The following IAH1 variants were observed in gnomAD, a reference collection of about 807,000 sequenced individuals.
The protein encoded by IAH1 is isoamyl acetate-hydrolyzing esterase 1 homolog.
Under a neutral mutation model 26.7 loss-of-function variants are expected in IAH1, and 24 were observed. That is an observed-to-expected ratio of 0.90 (90% CI 0.65 to 1.26). The LOEUF (loss-of-function observed/expected upper bound fraction) is 1.26, where lower values mean the gene tolerates loss of function less well. IAH1 is among the 50% of genes most tolerant of loss of function. IAH1 has a pLI of 0.00. For synonymous variants in IAH1, 140 were observed against 118.5 expected (o/e 1.18, Z -1.18); for missense variants, 300 against 299.9 (o/e 1.00, Z 0.00).
Position 9,474,763 on chromosome 2 carries a change from T to G in IAH1, c.81+116T>G. The G allele has an allele frequency of 1.3e-6, 1 of 775,390 alleles. No homozygotes were observed. The highest frequency in any genetic ancestry group is 1.9e-5 in the African/African-American group (1 of 53,526). The allele number at this position is 775,390 out of a possible 1,614,324, so 48.0% of individuals were successfully genotyped here. A position where few individuals can be genotyped will look rare whatever the true frequency, so the allele number is the denominator to read the frequency against. On this transcript the variant is annotated intron_variant, in intron 1 of 5. Coordinates refer to ENST00000497473, the MANE Select transcript of IAH1 (RefSeq NM_001039613.3). The surrounding 1 kb of genome is among the most constrained non-coding windows in gnomAD (Gnocchi z 4.3). ...GCCCGAGACGGCTGGGCCGGAGGCCTGGCCACGCCCGTGGAGACACCGGAG... is the reference window on the plus strand; with the variant it reads ...GCCCGAGACGGCTGGGCCGGAGGCCGGGCCACGCCCGTGGAGACACCGGAG...
downstream of IAH1, chr2:9,492,869 A>G: frequency 6.4e-7 from 1 of 1,560,724 alleles, no homozygotes; most frequent in East Asian, 2.3e-5. Context: ...TAAATAAAAC[A>G]TTTAATTACT....
At chr2:9,475,322 CATT>C (rs1041519929) in intron 1 of IAH1, 6 of 697,984 alleles carry the variant, frequency 8.6e-6, no homozygotes, top group Non-Finnish European at 1.3e-5. Context: ...TAACTGGTAA[CATT>C]ATGTTTAGGC....
chr2:9,493,289 C>CA (rs1558492896), downstream of IAH1, among the ~76,000 whole-genome samples: 1 of 152,136 alleles, frequency 6.6e-6, no homozygotes, highest in East Asian at 1.9e-4. Context: ...CTTAAGAAGA[C>CA]AAAGTTTTTG....
intron 2 of IAH1, among the ~76,000 whole-genome samples, 153 bp downstream of exon 2, chr2:9,476,192 A>G (rs1454930656): frequency 6.6e-6 from 1 of 152,162 alleles, no homozygotes; most frequent in African/African-American, 2.4e-5. Context: ...AACAGAAAAC[A>G]TTTACTCTTC....
rs1448882424 is a variant in IAH1 at position 9,488,818 on chromosome 2, G to A, written c.*489G>A. ...ATGTCCTTGGAAATGGGGGGTAGGA[G>A]GAGATATGATTAGTCACAGGTTTGG... On this transcript the variant is annotated 3_prime_UTR_variant, in exon 6 of 6. Transcript: ENST00000497473. 3 of 152,244 alleles carry A rather than the reference G, an allele frequency of 2.0e-5. No individual in the cohort carries two copies. The highest frequency in any genetic ancestry group is 7.2e-5 in the African/African-American group (3 of 41,442). The allele number at this position is 152,244 out of a possible 1,614,324, so 9.4% of individuals were successfully genotyped here. A position where few individuals can be genotyped will look rare whatever the true frequency, so the allele number is the denominator to read the frequency against.
chr2:9,479,695 G>A (rs1277570635), intron 3 of IAH1, among the ~76,000 whole-genome samples: 1 of 151,372 alleles, frequency 6.6e-6, no homozygotes, highest in Non-Finnish European at 1.5e-5. Context: ...GGAAAGCTGT[G>A]TGGCAATATG....
In IAH1 at chr2:9,474,693, G is replaced by T. The variant is rs768298085; in HGVS notation, c.81+46G>T. ...GGCCTCCCGCCCCGGCCTCCCTGCG[G>T]GGTCGCTGCCGAGCAGGCCGAGGCT... On this transcript the variant is annotated intron_variant, in intron 1 of 5. Transcript: ENST00000497473. The surrounding 1 kb of genome is among the most constrained non-coding windows in gnomAD (Gnocchi z 4.3). The T allele has an allele frequency of 5.6e-6, 8 of 1,428,500 alleles. No individual in the cohort carries two copies. In the Admixed American group the frequency reaches 1.5e-4, roughly 27 times the overall value. 88.5% of individuals were successfully genotyped at this position (1,428,500 alleles called of 1,614,324 possible).
At chr2:9,479,411 A>G (rs931930517) in intron 3 of IAH1, among the ~76,000 whole-genome samples, 1 of 152,234 alleles carries the variant, frequency 6.6e-6, no homozygotes, top group Non-Finnish European at 1.5e-5. Flanking sequence ...GTGGCAGACA[A>G]GAGAGTAATG....
intron 3 of IAH1, among the ~76,000 whole-genome samples, chr2:9,480,210 A>G (rs374048788): frequency 3.5e-4 from 53 of 152,238 alleles, no homozygotes; most frequent in African/African-American, 1.2e-3. Flanking sequence ...CAAACTATTT[A>G]TGGACACAGA....
At chr2:9,474,045 C>G (rs572923390), upstream of IAH1, 1 of 152,352 alleles carries the variant, frequency 6.6e-6, no homozygotes, top group African/African-American at 2.4e-5. The surrounding 1 kb of genome is among the most constrained non-coding windows in gnomAD (Gnocchi z 4.3). Context: ...ACTGAAGGTG[C>G]AGCTGCTTTC....
At chr2:9,494,112 A>G (rs77541241), downstream of IAH1, among the ~76,000 whole-genome samples, 452 of 152,326 alleles carry the variant, frequency 3.0e-3, 2 homozygotes, top group African/African-American at 0.011. Context: ...TAAGGACTCT[A>G]CACATACACA....
chr2:9,509,138 C>T, the IAH1 span, among the ~76,000 whole-genome samples: 3 of 152,164 alleles, frequency 2.0e-5, no homozygotes, highest in Non-Finnish European at 4.4e-5. Context: ...CACAGCCAAG[C>T]TCAAAATAGG....
Position 9,488,480 on chromosome 2 carries a change from G to A in IAH1, c.*151G>A, listed in dbSNP as rs1661767905. 3.6e-6 allele frequency: 2 copies of A among 548,548 alleles called. No individual in the cohort carries two copies. The highest frequency in any genetic ancestry group is 6.1e-6 in the Non-Finnish European group (2 of 325,406). The allele number at this position is 548,548 out of a possible 1,614,324, so 34.0% of individuals were successfully genotyped here. ...ATTTTTCAGGGAAGTTTTATACTTAGGTCCATTGTGTTTCGACAGTATTTA... is the reference window on the plus strand; with the variant it reads ...ATTTTTCAGGGAAGTTTTATACTTAAGTCCATTGTGTTTCGACAGTATTTA... On this transcript the variant is annotated 3_prime_UTR_variant, in exon 6 of 6. Transcript: ENST00000497473.
At chr2:9,487,829 TGTGTGCGCGCGCGC>T (rs1327028521) in intron 5 of IAH1, among the ~76,000 whole-genome samples, 27 of 78,940 alleles carry the variant, frequency 3.4e-4, no homozygotes, top group African/African-American at 9.4e-4. Context: ...TGTGTGTGTG[TGTGTGCGCGCGCGC>T]GCGCGCGCTG....
At chr2:9,482,675 G>A (rs1283126431) in intron 4 of IAH1, among the ~76,000 whole-genome samples, 1 of 152,226 alleles carries the variant, frequency 6.6e-6, no homozygotes, top group Non-Finnish European at 1.5e-5. Context: ...TGAGTTTACT[G>A]TTGAGTGGGG....
At position 9,474,552 on chromosome 2, in the gene IAH1, C is replaced by CCGCCG. The variant is rs1682359293; in HGVS notation, c.-11_-10insGCGCC. 1 of 1,462,116 alleles carries CCGCCG rather than the reference C, an allele frequency of 6.8e-7. No individual in the cohort carries two copies. Among genetic ancestry groups the CCGCCG allele is most frequent in the African/African-American group, 1.5e-5 (1 of 67,910 alleles). The allele number at this position is 1,462,116 out of a possible 1,614,324, so 90.6% of individuals were successfully genotyped here. A position where few individuals can be genotyped will look rare whatever the true frequency, so the allele number is the denominator to read the frequency against. On this transcript the variant is annotated 5_prime_UTR_variant, in exon 1 of 6. Transcript: ENST00000497473. The surrounding 1 kb of genome is among the most constrained non-coding windows in gnomAD (Gnocchi z 4.3). ...TCGTGGCTGGCGGCCCCGCCCCGCC[C>CCGCCG]CGCCCGGCTGCTCCATGGCGCTGTG... is the stretch of plus-strand genomic sequence containing the variant.
rs34525911 is a variant in IAH1 at position 9,489,259 on chromosome 2, A to ATTTTTTTTTTTTTTTTTTTTTTTTT, written c.*954_*955insTTTTTTTTTTTTTTTTTTTTTTTTT. 8.0e-5 allele frequency: 7 copies of ATTTTTTTTTTTTTTTTTTTTTTTTT among 87,398 alleles called. No homozygotes were observed. The highest frequency in any genetic ancestry group is 3.2e-4 in the African/African-American group (5 of 15,528). 5.4% of individuals were successfully genotyped at this position (87,398 alleles called of 1,614,324 possible). A position where few individuals can be genotyped will look rare whatever the true frequency, so the allele number is the denominator to read the frequency against. ...AATATTCTAGGTTTGTAGATAGTGA[A>ATTTTTTTTTTTTTTTTTTTTTTTTT]TTTTTTTTTTTTTTTTTTTTTTTTG... is the stretch of plus-strand genomic sequence containing the variant. On this transcript the variant is annotated 3_prime_UTR_variant, in exon 6 of 6. Coordinates refer to ENST00000497473, the MANE Select transcript of IAH1 (RefSeq NM_001039613.3).
At chr2:9,484,646 A>G (rs1558481876) in intron 5 of IAH1, 96 bp downstream of exon 5, 3 of 778,832 alleles carry the variant, frequency 3.9e-6, no homozygotes, top group East Asian at 5.3e-5. Context: ...GGCCCTGCTT[A>G]GCTAAGACAG....
intron 1 of IAH1, among the ~76,000 whole-genome samples, chr2:9,475,391 A>AC (rs1405470744): frequency 6.6e-6 from 1 of 151,682 alleles, no homozygotes; most frequent in African/African-American, 2.4e-5. Flanking sequence ...AAAAGTGTTC[A>AC]CCCTCAGCTC....
Sources: gnomAD v4.1 joint callset for allele counts (sites outside exome capture counted in the v4.1 genomes callset) on GRCh38, gnomAD v4.1.1 for gene constraint, Gnocchi (gnomAD v3.1) non-coding constraint, MANE v1.5 for transcripts, NCBI Gene and HGNC (gene_info 2026-07-23, HGNC 2026-07-21) for gene names.